The following AGBL4 variants were observed in gnomAD, a reference collection of about 807,000 sequenced individuals.
The protein encoded by AGBL4 is AGBL carboxypeptidase 4, also known as cytosolic carboxypeptidase 6.
Under a neutral mutation model 66.4 loss-of-function variants are expected in AGBL4, and 58 were observed. The ratio of observed to expected loss-of-function variants is 0.87; its 90% CI spans 0.71 to 1.09. The LOEUF is 1.09. AGBL4 is among the 50% of genes least tolerant of loss of function. The pLI, the probability that AGBL4 is intolerant of heterozygous loss-of-function variation, is 0.00. For missense variants in AGBL4, 579 were observed against 631.0 expected (o/e 0.92, Z 0.88); for synonymous variants, 234 against 222.9 (o/e 1.05, Z -0.44).
intron 5 of AGBL4, among the ~76,000 whole-genome samples, chr1:49,012,743 A>AAG (rs886677586): frequency 7.2e-5 from 11 of 152,222 alleles, no homozygotes; most frequent in African/African-American, 2.4e-4. Context: ...TGAAAGATCC[A>AAG]AGAGCCCCTT....
intron 3 of AGBL4, among the ~76,000 whole-genome samples, chr1:49,431,370 A>G (rs1323435876): frequency 6.6e-6 from 1 of 152,222 alleles, no homozygotes; most frequent in Non-Finnish European, 1.5e-5. Context: ...AACATCTTTG[A>G]TTAGATGAAA....
chr1:49,278,437 A>C (rs1296587572), intron 3 of AGBL4, among the ~76,000 whole-genome samples: 1 of 152,148 alleles, frequency 6.6e-6, no homozygotes, highest in Non-Finnish European at 1.5e-5. Flanking sequence ...TTCTCAAAGC[A>C]CCTGGGAATT....
chr1:48,528,823 TA>T (rs944834636), downstream of AGBL4, among the ~76,000 whole-genome samples: 14 of 152,192 alleles, frequency 9.2e-5, no homozygotes, highest in Admixed American at 6.5e-4. Flanking sequence ...CAAAGTAACA[TA>T]AAAAAAGTTT....
chr1:48,539,906 C>T (rs1287689022), intron 11 of AGBL4, among the ~76,000 whole-genome samples, 168 bp from the exon 12 acceptor site: 2 of 152,146 alleles, frequency 1.3e-5, no homozygotes, highest in Admixed American at 1.3e-4. Context: ...AAATGGTAAT[C>T]ACTATTATTA....
chr1:48,757,084 T>C (rs1009259108), intron 6 of AGBL4, among the ~76,000 whole-genome samples: 40 of 152,220 alleles, frequency 2.6e-4, no homozygotes, highest in African/African-American at 9.2e-4. Flanking sequence ...GAGTGGTTTC[T>C]AGAGTTTAAA....
chr1:49,199,679 T>C (rs1302210918), intron 4 of AGBL4, among the ~76,000 whole-genome samples: 1 of 152,166 alleles, frequency 6.6e-6, no homozygotes, highest in Non-Finnish European at 1.5e-5. Flanking sequence ...CATAATTGGC[T>C]TTTAGAATTT....
chr1:49,198,670 T>C (rs1418421702), intron 4 of AGBL4, among the ~76,000 whole-genome samples: 3 of 152,142 alleles, frequency 2.0e-5, no homozygotes, highest in Admixed American at 6.6e-5. Flanking sequence ...ATTTTGTTTC[T>C]TCCAAGTGGG....
intron 2 of AGBL4, among the ~76,000 whole-genome samples, chr1:49,769,229 C>T (rs1484676410): frequency 6.6e-6 from 1 of 152,106 alleles, no homozygotes; most frequent in Admixed American, 6.5e-5. Flanking sequence ...CACACACACA[C>T]ACACACACAT....
intron 2 of AGBL4, among the ~76,000 whole-genome samples, chr1:49,759,150 A>G (rs1652118161): frequency 6.6e-6 from 1 of 152,204 alleles, no homozygotes; most frequent in South Asian, 2.1e-4. Flanking sequence ...CAAGCCAGGC[A>G]GATCTGTGAG....
intron 3 of AGBL4, among the ~76,000 whole-genome samples, chr1:49,604,033 A>C (rs1306294392): frequency 2.6e-5 from 4 of 151,596 alleles, no homozygotes; most frequent in African/African-American, 7.3e-5. Flanking sequence ...TGCTGTAATA[A>C]ACATACACAT....
chr1:49,285,524 G>A (rs184819923), intron 3 of AGBL4, among the ~76,000 whole-genome samples: 21 of 152,156 alleles, frequency 1.4e-4, no homozygotes, highest in South Asian at 2.1e-4. Context: ...TAAAATCAGC[G>A]TAGAACAGAA....
At chr1:49,568,907 T>C (rs1644270395) in intron 3 of AGBL4, among the ~76,000 whole-genome samples, 6 of 152,126 alleles carry the variant, frequency 3.9e-5, no homozygotes, top group Admixed American at 3.9e-4. Flanking sequence ...AAATTTAGCA[T>C]ATCAGAGAGA....
At chr1:49,315,423 ACAG>A (rs1645022443) in intron 3 of AGBL4, among the ~76,000 whole-genome samples, 1 of 152,146 alleles carries the variant, frequency 6.6e-6, no homozygotes, top group Non-Finnish European at 1.5e-5. Context: ...GAGCTTCTGC[ACAG>A]CAAAACAAAC....
intron 3 of AGBL4, among the ~76,000 whole-genome samples, chr1:49,434,683 A>AGTGGTG (rs1281756367): frequency 7.1e-6 from 1 of 141,530 alleles, no homozygotes; most frequent in African/African-American, 2.6e-5. Context: ...TAGTGGTGGT[A>AGTGGTG]GTGGTGGTGG....
chr1:48,972,256 CA>C (rs576086965), intron 5 of AGBL4, among the ~76,000 whole-genome samples: 105 of 152,102 alleles, frequency 6.9e-4, no homozygotes, highest in African/African-American at 2.1e-3. Context: ...GGGAGATGGT[CA>C]AGTTGGGGGA....
intron 6 of AGBL4, among the ~76,000 whole-genome samples, chr1:48,845,181 C>T (rs1032872527): frequency 5.9e-5 from 9 of 152,090 alleles, no homozygotes; most frequent in African/African-American, 1.9e-4. Flanking sequence ...AAAAAATTAG[C>T]TTTTTTTTCA....
intron 3 of AGBL4, among the ~76,000 whole-genome samples, chr1:49,668,768 T>C (rs542547611): frequency 8.5e-5 from 13 of 152,294 alleles, no homozygotes; most frequent in African/African-American, 1.7e-4. Flanking sequence ...AAATCCAAAA[T>C]TGAACCTCAA....
intron 1 of AGBL4, among the ~76,000 whole-genome samples, chr1:49,885,564 A>G (rs988986279): frequency 6.6e-6 from 1 of 152,110 alleles, no homozygotes; most frequent in Admixed American, 6.6e-5. Context: ...ATAGTCTACA[A>G]CACAAACAAG....
chr1:49,975,609 C>G (rs1005293416), intron 1 of AGBL4, among the ~76,000 whole-genome samples: 1 of 152,138 alleles, frequency 6.6e-6, no homozygotes, highest in Non-Finnish European at 1.5e-5. Context: ...TTACCACTTC[C>G]CATATTGGAA....
Sources: gnomAD v4.1 joint callset for allele counts (sites outside exome capture counted in the v4.1 genomes callset) on GRCh38, gnomAD v4.1.1 for gene constraint, MANE v1.5 for transcripts, NCBI Gene and HGNC (gene_info 2026-07-23, HGNC 2026-07-21) for gene names.